Variants in PCDH15 observed in about 807,000 individuals in gnomAD.
PCDH15 encodes protocadherin related 15, also known as protocadherin-15.
In PCDH15, 129 loss-of-function variants were observed where a neutral mutation model predicts 178.5. The observed-to-expected ratio is 0.72, with a 90% CI of 0.63 to 0.84. PCDH15 has a LOEUF of 0.84. Among genes scored for constraint, PCDH15 ranks in the 40% least tolerant of loss-of-function variants. The pLI is 0.00. For missense variants in PCDH15, 2,230 were observed against 2,099.9 expected (o/e 1.06, Z -1.21); for synonymous variants, 800 against 732.0 (o/e 1.09, Z -1.50).
chr10:55,263,071 G>A (rs149286962), intron 1 of PCDH15, among the ~76,000 whole-genome samples: 1 of 152,034 alleles, frequency 6.6e-6, no homozygotes, highest in Admixed American at 6.5e-5. Flanking sequence ...AACTTTTCCT[G>A]TTTCGACTGG....
intron 15 of PCDH15, among the ~76,000 whole-genome samples, chr10:54,093,843 T>A (rs1174545117): frequency 6.6e-6 from 1 of 152,192 alleles, no homozygotes; most frequent in Non-Finnish European, 1.5e-5. Context: ...CTAGAGATAG[T>A]AATAACTGTA....
intron 9 of PCDH15, among the ~76,000 whole-genome samples, chr10:54,218,078 T>G (rs2134153823): frequency 6.6e-6 from 1 of 152,280 alleles, no homozygotes; most frequent in South Asian, 2.1e-4. Context: ...AGAGAAATAT[T>G]TTGTAAATTA....
chr10:54,901,426 C>T (rs1424419145), intron 2 of PCDH15, among the ~76,000 whole-genome samples: 3 of 152,204 alleles, frequency 2.0e-5, no homozygotes, highest in Non-Finnish European at 2.9e-5. Flanking sequence ...ATATTGCTTT[C>T]GAATGTAGAT....
At chr10:53,998,329 G>T (rs116774654) in intron 20 of PCDH15, among the ~76,000 whole-genome samples, 3,255 of 151,966 alleles carry the variant, frequency 0.021, 127 homozygotes, top group African/African-American at 0.076. Context: ...AAAACCTTAT[G>T]GTTTTTTTCT....
At chr10:54,701,910 TA>T in intron 1 of PCDH15, among the ~76,000 whole-genome samples, 1 of 151,874 alleles carries the variant, frequency 6.6e-6, no homozygotes, top group Non-Finnish European at 1.5e-5. Context: ...GGCAGAAAAT[TA>T]ACAAATATAT....
At chr10:54,153,670 A>T (rs937550871) in intron 13 of PCDH15, among the ~76,000 whole-genome samples, 1 of 152,168 alleles carries the variant, frequency 6.6e-6, no homozygotes, top group African/African-American at 2.4e-5. Context: ...ATAAACTCAT[A>T]TTAAAACAGA....
intron 2 of PCDH15, among the ~76,000 whole-genome samples, chr10:54,900,733 G>A (rs1305967459): frequency 1.3e-5 from 2 of 152,110 alleles, no homozygotes; most frequent in Non-Finnish European, 2.9e-5. Flanking sequence ...TTTCACTACT[G>A]AATAGGAGCA....
chr10:54,801,498 G>A (rs1165906181), upstream of PCDH15, among the ~76,000 whole-genome samples: 1 of 152,170 alleles, frequency 6.6e-6, no homozygotes, highest in East Asian at 1.9e-4. Flanking sequence ...CCTGTCTGAT[G>A]ATTCTCTGTT....
chr10:55,461,993 GACC>G (rs1554872916), intron 2 of PCDH15, among the ~76,000 whole-genome samples: 5 of 152,014 alleles, frequency 3.3e-5, no homozygotes, highest in Non-Finnish European at 5.9e-5. Flanking sequence ...TAATGGTCAA[GACC>G]ACCTTCATTA....
intron 2 of PCDH15, among the ~76,000 whole-genome samples, chr10:55,602,296 C>T (rs1363586219): frequency 6.6e-6 from 1 of 152,086 alleles, no homozygotes; most frequent in Non-Finnish European, 1.5e-5. Context: ...TGCAAGGCGG[C>T]AGCGAGGCTG....
chr10:55,548,680 G>C (rs1408594173), intron 2 of PCDH15, among the ~76,000 whole-genome samples: 1 of 152,130 alleles, frequency 6.6e-6, no homozygotes, highest in African/African-American at 2.4e-5. Flanking sequence ...TTTAGCAACA[G>C]TACACAGAAA....
At chr10:55,328,950 A>ATATATT (rs1491254139) in intron 2 of PCDH15, among the ~76,000 whole-genome samples, 1 of 134,850 alleles carries the variant, frequency 7.4e-6, no homozygotes, top group East Asian at 2.2e-4. Flanking sequence ...ATATATATAT[A>ATATATT]AAATATATAA....
intron 2 of PCDH15, among the ~76,000 whole-genome samples, chr10:55,582,927 C>G (rs1185513772): frequency 6.6e-6 from 1 of 151,780 alleles, no homozygotes; most frequent in Non-Finnish European, 1.5e-5. Context: ...AATATATTCA[C>G]AAAATATTAT....
chr10:54,354,540 T>G (rs1329040091), intron 5 of PCDH15, among the ~76,000 whole-genome samples: 7 of 152,114 alleles, frequency 4.6e-5, no homozygotes, highest in Non-Finnish European at 8.8e-5. Flanking sequence ...TTCTTTAACT[T>G]TAGATTAAGT....
chr10:54,488,892 A>C (rs911941690), intron 3 of PCDH15, among the ~76,000 whole-genome samples: 4 of 152,168 alleles, frequency 2.6e-5, no homozygotes, highest in Admixed American at 1.3e-4. Flanking sequence ...ATGGTTGGTC[A>C]GTTAATACTG....
intron 2 of PCDH15, among the ~76,000 whole-genome samples, chr10:54,542,511 G>GA (rs2085357023): frequency 6.6e-6 from 1 of 152,058 alleles, no homozygotes; most frequent in African/African-American, 2.4e-5. Flanking sequence ...AGATGATTCT[G>GA]AAAAAAATAA....
intron 1 of PCDH15, among the ~76,000 whole-genome samples, chr10:55,215,153 G>C (rs1274727845): frequency 6.6e-6 from 1 of 152,080 alleles, no homozygotes; most frequent in Admixed American, 6.6e-5. Context: ...TTAGCTCTGA[G>C]CATCTAAGTA....
chr10:54,359,671 C>G (rs1402256533), intron 5 of PCDH15, among the ~76,000 whole-genome samples: 2 of 151,736 alleles, frequency 1.3e-5, no homozygotes, highest in South Asian at 2.1e-4. Context: ...ATAAGATATA[C>G]TTATAGAATG....
At position 54,378,948 on chromosome 10, in the gene PCDH15, A is replaced by C. The variant is rs760500550; in HGVS notation, c.158-6T>G. 1 of 1,613,580 alleles carries C rather than the reference A, an allele frequency of 6.2e-7. No homozygotes were observed. Among genetic ancestry groups the C allele is most frequent in the Non-Finnish European group, 8.5e-7 (1 of 1,179,678 alleles). On this transcript the variant is annotated splice_polypyrimidine_tract_variant and splice_region_variant and intron_variant, in intron 3 of 37. Transcript: ENST00000644397. ...GTTGTCCACCAGAATTGTACCTGCA[A>C]ACCAAAGAAAGGTACTTGAAAACAT... is the stretch of plus-strand genomic sequence containing the variant.
Sources: allele counts gnomAD v4.1 joint callset (sites outside exome capture counted in the v4.1 genomes callset), GRCh38; gene constraint gnomAD v4.1.1; transcripts MANE v1.5; gene names NCBI Gene and HGNC (gene_info 2026-07-23, HGNC 2026-07-21).